ADGRB3: variants seen among roughly 807,000 people sequenced by gnomAD.
The protein encoded by ADGRB3 is adhesion G protein-coupled receptor B3.
A neutral mutation model predicts 193.4 loss-of-function variants in ADGRB3; 37 were observed. The ratio of observed to expected loss-of-function variants is 0.19; its 90% CI spans 0.15 to 0.25. ADGRB3 has a LOEUF of 0.25. ADGRB3 is among the 10% of genes least tolerant of loss of function. The probability of loss-of-function intolerance (pLI) is 1.00; values close to 1 mark genes in which losing one functional copy is unlikely to be tolerated. For missense variants in ADGRB3, 1,637 were observed against 1,852.9 expected (o/e 0.88, Z 2.14); for synonymous variants, 690 against 644.2 (o/e 1.07, Z -1.08).
intron 22 of ADGRB3, among the ~76,000 whole-genome samples, chr6:69,328,577 A>G (rs1214046146): frequency 6.6e-6 from 1 of 152,150 alleles, no homozygotes; most frequent in Admixed American, 6.6e-5. Context: ...TCTTATTAAA[A>G]GCATATGTTT....
intron 3 of ADGRB3, among the ~76,000 whole-genome samples, chr6:68,777,418 G>A (rs1317829757): frequency 6.6e-6 from 1 of 152,054 alleles, no homozygotes; most frequent in Admixed American, 6.6e-5. Flanking sequence ...TTTTCCTGCT[G>A]TGAATATCTC....
At chr6:68,858,592 C>CAA (rs11458724) in intron 3 of ADGRB3, among the ~76,000 whole-genome samples, 27,549 of 93,106 alleles carry the variant, frequency 0.3, 4,279 homozygotes, top group Middle Eastern at 0.45. Context: ...GACCCTGACT[C>CAA]AAAAAAAAAA....
intron 17 of ADGRB3, among the ~76,000 whole-genome samples, chr6:69,213,113 G>T (rs1334639725): frequency 1.3e-5 from 2 of 152,076 alleles, no homozygotes; most frequent in Non-Finnish European, 2.9e-5. Context: ...TGAATACTTA[G>T]CACAAAATTA....
rs1280818151 is a variant in ADGRB3, at chr6:68,880,054, T to A, written c.758-50505T>A. Among the ~76,000 whole-genome samples, 4 of 152,306 alleles carry A rather than the reference T, an allele frequency of 2.6e-5. No individual in the cohort carries two copies. In the East Asian group the frequency reaches 7.7e-4, roughly 29 times the overall value. Reference sequence around the variant, plus strand: ...AATTTTGTGTGTCATGACACCTTGATAATAATAGCGAGACATGGTCAGATT... The same window carrying A: ...AATTTTGTGTGTCATGACACCTTGAAAATAATAGCGAGACATGGTCAGATT... On this transcript the variant is annotated intron_variant, in intron 3 of 31. Coordinates refer to ENST00000370598, the MANE Select transcript of ADGRB3 (RefSeq NM_001704.3).
intron 13 of ADGRB3, among the ~76,000 whole-genome samples, chr6:69,030,083 A>G (rs1162215695): frequency 6.6e-6 from 1 of 152,070 alleles, no homozygotes; most frequent in Non-Finnish European, 1.5e-5. Context: ...CATGCCAGTT[A>G]GAATGGCAAT....
At chr6:69,243,592 A>T (rs1190634217) in intron 20 of ADGRB3, among the ~76,000 whole-genome samples, 1 of 152,052 alleles carries the variant, frequency 6.6e-6, no homozygotes, top group Admixed American at 6.6e-5. Context: ...GCCAATACAC[A>T]TATCTTCAAT....
Position 69,221,298 on chromosome 6 carries a change from G to A in ADGRB3, c.2481-11992G>A, listed in dbSNP as rs189219301. Among the ~76,000 whole-genome samples the A allele has an allele frequency of 9.1e-4, 139 of 152,138 alleles. 1 individual carries two copies. The highest frequency in any genetic ancestry group is 3.3e-3 in the African/African-American group (135 of 41,520). On this transcript the variant is annotated intron_variant, in intron 17 of 31. Transcript: ENST00000370598. ...TAAATATCAACTTGCACTGTATTTA[G>A]GAAATGCCATACTACAAAATTCATT...
intron 17 of ADGRB3, among the ~76,000 whole-genome samples, chr6:69,087,231 T>C (rs1027400467): frequency 6.6e-6 from 1 of 152,196 alleles, no homozygotes; most frequent in African/African-American, 2.4e-5. Flanking sequence ...GTAGTTGAGA[T>C]TTAAAAGATA....
At chr6:69,322,618 G>A (rs568077717) in intron 20 of ADGRB3, among the ~76,000 whole-genome samples, 20 of 151,960 alleles carry the variant, frequency 1.3e-4, no homozygotes, top group African/African-American at 4.8e-4. Flanking sequence ...GTGATGTTGA[G>A]CATTTTTCAT....
intron 24 of ADGRB3, among the ~76,000 whole-genome samples, chr6:69,337,608 C>G (rs1299616744): frequency 2.6e-5 from 4 of 152,108 alleles, no homozygotes; most frequent in Non-Finnish European, 5.9e-5. Context: ...CATTTGGACA[C>G]ATTTGGCAAC....
intron 17 of ADGRB3, among the ~76,000 whole-genome samples, chr6:69,223,687 C>G (rs960139727): frequency 1.6e-5 from 2 of 123,496 alleles, no homozygotes; most frequent in Non-Finnish European, 3.2e-5. Flanking sequence ...CAGAGTCTCA[C>G]TTTGTCACTC....
At chr6:68,805,138 G>T (rs1767378565) in intron 3 of ADGRB3, among the ~76,000 whole-genome samples, 1 of 152,036 alleles carries the variant, frequency 6.6e-6, no homozygotes, top group African/African-American at 2.4e-5. Flanking sequence ...TCACTAGGCT[G>T]CCCAGGCTGG....
At chr6:68,847,265 C>T (rs1161109442) in intron 3 of ADGRB3, among the ~76,000 whole-genome samples, 1 of 152,144 alleles carries the variant, frequency 6.6e-6, no homozygotes, top group Non-Finnish European at 1.5e-5. Context: ...TTAGATAAGA[C>T]TTTGGACTGT....
chr6:69,136,542 A>G (rs989610260), intron 17 of ADGRB3, among the ~76,000 whole-genome samples: 4 of 152,128 alleles, frequency 2.6e-5, no homozygotes, highest in Non-Finnish European at 4.4e-5. Context: ...ATCTGCTTCT[A>G]TATGTCTATA....
At chr6:69,287,209 C>A (rs1019663818) in intron 20 of ADGRB3, among the ~76,000 whole-genome samples, 1 of 152,038 alleles carries the variant, frequency 6.6e-6, no homozygotes, top group Non-Finnish European at 1.5e-5. Flanking sequence ...CAAGTTTATG[C>A]CACTTGTGTT....
intron 3 of ADGRB3, among the ~76,000 whole-genome samples, chr6:68,843,044 A>G (rs959275325): frequency 8.6e-5 from 6 of 69,654 alleles, no homozygotes; most frequent in Admixed American, 1.3e-4. Context: ...AAAGCCATAT[A>G]CAACAACAAA....
intron 30 of ADGRB3, among the ~76,000 whole-genome samples, chr6:69,378,208 C>G (rs569587386): frequency 6.6e-6 from 1 of 152,186 alleles, no homozygotes; most frequent in South Asian, 2.1e-4. Context: ...TATGAAATAG[C>G]TGCAGGGTGA....
chr6:68,855,380 T>G (rs2127392539), intron 3 of ADGRB3, among the ~76,000 whole-genome samples: 1 of 152,204 alleles, frequency 6.6e-6, no homozygotes, highest in South Asian at 2.1e-4. Flanking sequence ...TCCATAAAAT[T>G]AATTTAAACA....
In ADGRB3 at chr6:69,018,481, T is replaced by C; in HGVS notation, c.2089T>C (p.Leu697=). The C allele has an allele frequency of 1.9e-6, 3 of 1,602,886 alleles. No homozygotes were observed. The highest frequency in any genetic ancestry group is 1.7e-6 in the Non-Finnish European group (2 of 1,172,130). ...MGMMDFQNSY[L]MTGNVVASIQ... ...GATGATGGACTTTCAGAATTCATAC[T>C]TAATGACTGGAAATGTAGGTAAGAA... The change falls in exon 13 of 32, where the codon TTA becomes CTA. Residue 697 remains leucine, a synonymous_variant. Coordinates refer to ENST00000370598, the MANE Select transcript of ADGRB3 (RefSeq NM_001704.3).
Sources: gnomAD v4.1 joint callset for allele counts (sites outside exome capture counted in the v4.1 genomes callset) on GRCh38, gnomAD v4.1.1 for gene constraint, MANE v1.5 for transcripts, NCBI Gene and HGNC (gene_info 2026-07-23, HGNC 2026-07-21) for gene names.